The following ABR variants were observed in gnomAD, a reference collection of about 807,000 sequenced individuals.
ABR encodes the protein active breakpoint cluster region-related protein.
Under a neutral mutation model 107.2 loss-of-function variants are expected in ABR, and 35 were observed. The observed-to-expected ratio is 0.33, with a 90% CI of 0.25 to 0.43. ABR has a LOEUF of 0.43. Ranked by LOEUF, ABR falls within the 20% of genes least tolerant of loss-of-function variation. ABR has a pLI of 1.00. For synonymous variants in ABR, 498 were observed against 462.0 expected, an observed-to-expected ratio of 1.08 and a Z score of -1.00; for missense variants, 815 against 1,115.2, an observed-to-expected ratio of 0.73 and a Z score of 3.83.
At chr17:1,012,352 A>G in intron 18 of ABR, 7 of 645,228 alleles carry the variant, frequency 1.1e-5, no homozygotes, top group Non-Finnish European at 1.7e-5. Context: ...GAACCGGGGG[A>G]CACGTGCCCT....
At chr17:1,113,291 T>TTG (rs2038814687) in intron 2 of ABR, among the ~76,000 whole-genome samples, 1 of 142,018 alleles carries the variant, frequency 7.0e-6, no homozygotes, top group Non-Finnish European at 1.5e-5. Flanking sequence ...TTTTTTTTTT[T>TTG]TTTTTTTTTT....
At chr17:1,014,367 G>C (rs2070954871) in intron 16 of ABR, among the ~76,000 whole-genome samples, 2 of 135,134 alleles carry the variant, frequency 1.5e-5, no homozygotes, top group East Asian at 2.4e-4. Flanking sequence ...CGTGAACCCG[G>C]GAGGCAGAGC....
At chr17:1,169,274 A>T (rs1413363083) in intron 1 of ABR, among the ~76,000 whole-genome samples, 1 of 152,244 alleles carries the variant, frequency 6.6e-6, no homozygotes. Flanking sequence ...GCAGAGGCCA[A>T]GAACAATGGC....
At chr17:1,031,920 C>G (rs2072836353) in intron 16 of ABR, 2 of 1,048,904 alleles carry the variant, frequency 1.9e-6, no homozygotes, top group Non-Finnish European at 2.4e-6. Context: ...TCCCTCCTCC[C>G]TCCTCCGCAT....
At chr17:1,088,998 C>A (rs1206933601) in intron 4 of ABR, among the ~76,000 whole-genome samples, 2 of 149,422 alleles carry the variant, frequency 1.3e-5, no homozygotes, top group Non-Finnish European at 3.0e-5. Flanking sequence ...CAGGTTCAAG[C>A]GATTCTCCCG....
intron 10 of ABR, among the ~76,000 whole-genome samples, chr17:1,060,090 C>T (rs1481582386): frequency 3.9e-5 from 6 of 152,158 alleles, no homozygotes; most frequent in East Asian, 1.9e-4. Flanking sequence ...TGCAGCCAAG[C>T]GACAGAGCAG....
intron 1 of ABR, among the ~76,000 whole-genome samples, chr17:1,204,716 T>C: frequency 6.6e-6 from 1 of 152,112 alleles, no homozygotes; most frequent in East Asian, 1.9e-4. Flanking sequence ...CTATATCACA[T>C]AGTGGGCTAT....
intron 16 of ABR, among the ~76,000 whole-genome samples, chr17:1,018,039 T>TTTTA (rs575511053): frequency 8.6e-5 from 13 of 151,978 alleles, no homozygotes; most frequent in African/African-American, 1.5e-4. Flanking sequence ...GGCCCTTATT[T>TTTTA]TTTATTTATT....
At chr17:1,048,374 C>A (rs2151015922) in intron 16 of ABR, among the ~76,000 whole-genome samples, 1 of 152,002 alleles carries the variant, frequency 6.6e-6, no homozygotes, top group South Asian at 2.1e-4. Context: ...GTGGGAGACC[C>A]ACACAGCTCC....
chr17:1,100,355 T>C (rs2037781626), intron 3 of ABR, among the ~76,000 whole-genome samples: 1 of 152,182 alleles, frequency 6.6e-6, no homozygotes, highest in Non-Finnish European at 1.5e-5. Flanking sequence ...GGGTTCACGA[T>C]GCCCTATGCC....
intron 2 of ABR, among the ~76,000 whole-genome samples, chr17:1,102,496 C>T (rs1367555406): frequency 2.6e-5 from 4 of 152,190 alleles, no homozygotes; most frequent in Non-Finnish European, 1.5e-5. Context: ...TGGAAGAAGA[C>T]GACTGTCTTG....
chr17:1,156,494 GC>G (rs2041048383), intron 1 of ABR, among the ~76,000 whole-genome samples: 1 of 152,110 alleles, frequency 6.6e-6, no homozygotes. Context: ...GACCAGCCTG[GC>G]CAACGTGGTG....
intron 16 of ABR, chr17:1,031,744 C>CGG (rs371587357): frequency 0.14 from 173,907 of 1,235,912 alleles, 12,796 homozygotes; most frequent in Middle Eastern, 0.16. Context: ...TCGGTCATGC[C>CGG]GGGGGGGACG....
intron 16 of ABR, among the ~76,000 whole-genome samples, chr17:1,017,241 C>T (rs890503478): frequency 1.3e-5 from 2 of 151,960 alleles, no homozygotes; most frequent in African/African-American, 2.4e-5. Context: ...CTTACTTTCC[C>T]GAAACCTCTC....
chr17:1,181,526 T>G (rs1331035358), upstream of ABR, among the ~76,000 whole-genome samples: 1 of 151,952 alleles, frequency 6.6e-6, no homozygotes, highest in East Asian at 1.9e-4. Context: ...GCTGTCACCC[T>G]CCCACCGTCC....
intron 1 of ABR, among the ~76,000 whole-genome samples, chr17:1,144,423 G>A (rs1180454981): frequency 6.6e-6 from 1 of 151,994 alleles, no homozygotes; most frequent in Non-Finnish European, 1.5e-5. Flanking sequence ...AGGCAGATCT[G>A]GGTCCCGCGT....
intron 16 of ABR, among the ~76,000 whole-genome samples, chr17:1,023,827 C>T (rs900182680): frequency 1.3e-5 from 2 of 151,990 alleles, no homozygotes; most frequent in African/African-American, 4.8e-5. Flanking sequence ...GAGTTCGAGA[C>T]CAGCCTGGCC....
chr17:1,135,346 T>C (rs2040010966), intron 1 of ABR, among the ~76,000 whole-genome samples: 1 of 151,566 alleles, frequency 6.6e-6, no homozygotes, highest in Admixed American at 6.6e-5. Flanking sequence ...TGAATATTGC[T>C]AACTTTATTT....
upstream of ABR, among the ~76,000 whole-genome samples, chr17:1,180,908 G>T (rs1026637031): frequency 6.6e-6 from 1 of 152,202 alleles, no homozygotes; most frequent in Non-Finnish European, 1.5e-5. Context: ...GACAGGAGGG[G>T]AGTCAGGCCA....
Sources: allele counts gnomAD v4.1 joint callset (sites outside exome capture counted in the v4.1 genomes callset), GRCh38; gene constraint gnomAD v4.1.1; transcripts MANE v1.5; gene names NCBI Gene and HGNC (gene_info 2026-07-23, HGNC 2026-07-21).